Variants in DRICH1 observed in about 807,000 individuals in gnomAD.
DRICH1 encodes aspartate rich 1, also known as aspartate-rich protein 1.
In DRICH1, 38 loss-of-function variants were observed where a neutral mutation model predicts 39.5. The ratio of observed to expected loss-of-function variants is 0.96; its 90% CI spans 0.74 to 1.26. The LOEUF (loss-of-function observed/expected upper bound fraction) is 1.26, where lower values mean the gene tolerates loss of function less well. Among genes scored for constraint, DRICH1 ranks in the 50% most tolerant of loss-of-function variants. DRICH1 has a pLI of 0.00. For synonymous variants in DRICH1, 84 were observed against 99.5 expected, an observed-to-expected ratio of 0.84 and a Z score of 0.93; for missense variants, 279 against 270.4, an observed-to-expected ratio of 1.03 and a Z score of -0.22.
rs528338960 is a variant in DRICH1, at chr22:23,626,932, C to G, written c.209-884G>C. ...ACTTTGATGTGCACGCTTTGAGTTACAGGAGTTCAACAATTGGTCCCTCAG... is the reference window on the plus strand; with the variant it reads ...ACTTTGATGTGCACGCTTTGAGTTAGAGGAGTTCAACAATTGGTCCCTCAG... On this transcript the variant is annotated intron_variant, in intron 1 of 11. Transcript: ENST00000317749. 2.3e-3 allele frequency among the ~76,000 whole-genome samples: 347 copies of G among 152,254 alleles called. 1 individual carries two copies. Among genetic ancestry groups the G allele is most frequent in the Non-Finnish European group, 4.3e-3 (291 of 68,016 alleles).
the DRICH1 span, chr22:23,581,076 A>C: frequency 6.6e-6 from 1 of 152,228 alleles, no homozygotes; most frequent in South Asian, 2.1e-4. Flanking sequence ...CACGTCCGTC[A>C]TCTCACATAC....
downstream of DRICH1, among the ~76,000 whole-genome samples, chr22:23,605,390 G>A (rs2123749769): frequency 6.6e-6 from 1 of 152,244 alleles, no homozygotes; most frequent in South Asian, 2.1e-4. Flanking sequence ...GGTGACTCTG[G>A]CTGAGGTCTA....
chr22:23,592,903 A>C, the DRICH1 span, among the ~76,000 whole-genome samples: 5 of 151,664 alleles, frequency 3.3e-5, no homozygotes, highest in Admixed American at 2.6e-4. Flanking sequence ...ATGATGGCAC[A>C]CACCTGTAAT....
In DRICH1 at chr22:23,608,767, C is replaced by T; in HGVS notation, c.687G>A (p.Gly229=). Residue 229 remains glycine (G), a splice_region_variant and synonymous_variant, in exon 12 of 12, where the codon GGG becomes GGA. Transcript: ENST00000317749. ...ESLSDEEIHP[G] ...TGGTCAGCTCCACAGAAGGGCTTCA[C>T]CCTGGATGAAGAGATAATCCCTTTT... 6.4e-7 allele frequency: 1 copy of T among 1,560,600 alleles called. No homozygotes were observed. Among genetic ancestry groups the T allele is most frequent in the East Asian group, 2.4e-5 (1 of 42,356 alleles).
At chr22:23,612,481 AG>A (rs1311766176) in intron 11 of DRICH1, among the ~76,000 whole-genome samples, 3,486 of 127,998 alleles carry the variant, frequency 0.027, 820 homozygotes, top group African/African-American at 0.044. Flanking sequence ...AAAAAAAAAA[AG>A]AAAAAAAAAA....
rs1395091373 is a variant in DRICH1 at position 23,613,239 on chromosome 22, C to T, written c.685+50G>A. On this transcript the variant is annotated intron_variant, in intron 11 of 11. Transcript: ENST00000317749. ...ACAAGCAACAGGGATAACCTGGAGG[C>T]TCCTGGGAACCTTTTCCCATTGGGT... 4.9e-6 allele frequency: 7 copies of T among 1,437,760 alleles called. No homozygotes were observed. In the Admixed American group the frequency reaches 6.7e-5, roughly 14 times the overall value. 89.1% of individuals were successfully genotyped at this position (1,437,760 alleles called of 1,614,324 possible).
the DRICH1 span, among the ~76,000 whole-genome samples, chr22:23,592,835 T>TAC: frequency 0.13 from 18,122 of 134,698 alleles, 1,226 homozygotes; most frequent in Non-Finnish European, 0.17. Context: ...CTATTAAAAA[T>TAC]ACACACACAC....
the DRICH1 span, among the ~76,000 whole-genome samples, chr22:23,594,795 G>A: frequency 4.0e-3 from 594 of 149,626 alleles, 4 homozygotes; most frequent in Admixed American, 0.011. Flanking sequence ...GCTTGTAGAG[G>A]AACCTCAGAC....
chr22:23,593,348 C>T, the DRICH1 span, among the ~76,000 whole-genome samples: 1 of 152,286 alleles, frequency 6.6e-6, no homozygotes, highest in African/African-American at 2.4e-5. Flanking sequence ...TTTGAAATTA[C>T]TTTGTCTGAG....
At chr22:23,615,087 T>G (rs1240746322) in intron 8 of DRICH1, among the ~76,000 whole-genome samples, 1 of 152,196 alleles carries the variant, frequency 6.6e-6, no homozygotes, top group African/African-American at 2.4e-5. Context: ...AAAAATTATT[T>G]TTTTGGTTGA....
Position 23,611,626 on chromosome 22 carries a change from C to T in DRICH1, c.685+1663G>A, listed in dbSNP as rs529131548. Among the ~76,000 whole-genome samples the T allele has an allele frequency of 3.4e-4, 51 of 152,230 alleles. No homozygotes were observed. The South Asian group carries it at 8.9e-3, about 27-fold the overall frequency. Reference sequence around the variant, plus strand: ...CAGGATGGTCTCGATTTCCTGACCTCGTAATCCGCCCACCTTGCACCTGCT... The same window carrying T: ...CAGGATGGTCTCGATTTCCTGACCTTGTAATCCGCCCACCTTGCACCTGCT... On this transcript the variant is annotated intron_variant, in intron 11 of 11. Coordinates refer to ENST00000317749, the MANE Select transcript of DRICH1 (RefSeq NM_016449.4).
chr22:23,609,915 A>G (rs1926943731), intron 11 of DRICH1, among the ~76,000 whole-genome samples: 1 of 151,926 alleles, frequency 6.6e-6, no homozygotes. Flanking sequence ...TAGCTCTCCC[A>G]AGACCTGCTT....
chr22:23,613,390 A>C (rs571572300), intron 10 of DRICH1, 60 bp from the exon 11 acceptor site: 2 of 1,390,048 alleles, frequency 1.4e-6, no homozygotes, highest in Non-Finnish European at 2.0e-6. Context: ...CACTCCTCCT[A>C]CTTTACTTTA....
intron 5 of DRICH1, 52 bp from the exon 6 acceptor site, chr22:23,619,445 C>G (rs763235556): frequency 1.3e-6 from 1 of 775,206 alleles, no homozygotes; most frequent in East Asian, 2.5e-5. Context: ...CTCTATGTGC[C>G]TCAAATAACC....
chr22:23,595,656 C>G, the DRICH1 span, among the ~76,000 whole-genome samples: 16 of 152,288 alleles, frequency 1.1e-4, no homozygotes, highest in South Asian at 8.3e-4. Context: ...AGATGGTGTG[C>G]AAAGTTTTGG....
chr22:23,601,926 G>C, the DRICH1 span, among the ~76,000 whole-genome samples: 1 of 152,184 alleles, frequency 6.6e-6, no homozygotes, highest in African/African-American at 2.4e-5. Flanking sequence ...TAAGGGCTGA[G>C]AGCAGGGGCT....
chr22:23,616,852 C>T lies in DRICH1; in HGVS notation c.541+1G>A. On this transcript the variant is annotated splice_donor_variant, in intron 8 of 11. Transcript: ENST00000317749. LOFTEE classifies it high-confidence loss of function. Reference sequence around the variant, plus strand: ...AAAGTGAGTTAGTTCAAGGTACATACCCTGGACAGGTGACGGTAAAATCTG... The same window carrying T: ...AAAGTGAGTTAGTTCAAGGTACATATCCTGGACAGGTGACGGTAAAATCTG... 1.2e-6 allele frequency: 2 copies of T among 1,614,072 alleles called. No individual in the cohort carries two copies. The highest frequency in any genetic ancestry group is 1.7e-6 in the Non-Finnish European group (2 of 1,179,942).
chr22:23,610,061 C>A (rs1926953208), intron 11 of DRICH1, among the ~76,000 whole-genome samples: 1 of 152,130 alleles, frequency 6.6e-6, no homozygotes, highest in Non-Finnish European at 1.5e-5. Context: ...TGAATCCCTG[C>A]ACAAGCTCTG....
Position 23,608,497 on chromosome 22 carries a change from G to T in DRICH1, c.*267C>A, listed in dbSNP as rs1926855200. ...ATTTCAAGTGGGAATGGCACTTTCT[G>T]CTCGTGGAGCACAGTCACGTCTCTT... On this transcript the variant is annotated 3_prime_UTR_variant, in exon 12 of 12. Transcript: ENST00000317749. The T allele has an allele frequency of 2.0e-6, 1 of 505,396 alleles. No homozygotes were observed. Among genetic ancestry groups the T allele is most frequent in the East Asian group, 2.9e-5 (1 of 34,528 alleles). The allele number at this position is 505,396 out of a possible 1,614,324, so 31.3% of individuals were successfully genotyped here.
Sources: gnomAD v4.1 joint callset for allele counts (sites outside exome capture counted in the v4.1 genomes callset) on GRCh38, gnomAD v4.1.1 for gene constraint, MANE v1.5 for transcripts, NCBI Gene and HGNC (gene_info 2026-07-23, HGNC 2026-07-21) for gene names.